ZNF804B: variants seen among roughly 807,000 people sequenced by gnomAD.
ZNF804B encodes zinc finger 804B.
In ZNF804B, 80 loss-of-function variants were observed where a neutral mutation model predicts 101.4. That is an observed-to-expected ratio of 0.79 (90% CI 0.66 to 0.95). The LOEUF (loss-of-function observed/expected upper bound fraction) is 0.95, where lower values mean the gene tolerates loss of function less well. Ranked by LOEUF, ZNF804B falls within the 40% of genes least tolerant of loss-of-function variation. The pLI, the probability that ZNF804B is intolerant of heterozygous loss-of-function variation, is 0.00. For missense variants in ZNF804B, 1,673 were observed against 1,561.9 expected, an observed-to-expected ratio of 1.07 and a Z score of -1.20; for synonymous variants, 622 against 558.8, an observed-to-expected ratio of 1.11 and a Z score of -1.59.
chr7:88,983,383 T>C (rs1040473429), intron 1 of ZNF804B, among the ~76,000 whole-genome samples: 2 of 151,842 alleles, frequency 1.3e-5, no homozygotes, highest in Non-Finnish European at 2.9e-5. Context: ...ATCTTCAGAG[T>C]TTTCAATTCA....
intron 1 of ZNF804B, among the ~76,000 whole-genome samples, chr7:89,213,857 TTAAG>T (rs750644263): frequency 2.6e-5 from 4 of 152,318 alleles, no homozygotes; most frequent in Middle Eastern, 3.4e-3. Flanking sequence ...ATTGTGAAGA[TTAAG>T]TGGGTGAACA....
intron 1 of ZNF804B, among the ~76,000 whole-genome samples, chr7:88,966,699 T>C (rs1054957571): frequency 1.3e-5 from 2 of 151,556 alleles, no homozygotes; most frequent in Non-Finnish European, 3.0e-5. Context: ...AAGTTGAGGG[T>C]AGTCTCCATG....
At chr7:89,125,241 G>T (rs370986937) in intron 1 of ZNF804B, among the ~76,000 whole-genome samples, 1 of 151,540 alleles carries the variant, frequency 6.6e-6, no homozygotes, top group Non-Finnish European at 1.5e-5. Context: ...AGGGTATATT[G>T]GTAGAATTAT....
intron 1 of ZNF804B, among the ~76,000 whole-genome samples, chr7:88,999,612 T>C (rs1391175894): frequency 2.0e-5 from 3 of 151,984 alleles, no homozygotes; most frequent in Non-Finnish European, 4.4e-5. Context: ...TGTAGTTAAA[T>C]TTTTTCTTAA....
At chr7:88,856,567 C>A (rs2115844973) in intron 1 of ZNF804B, among the ~76,000 whole-genome samples, 1 of 152,242 alleles carries the variant, frequency 6.6e-6, no homozygotes, top group East Asian at 1.9e-4. Flanking sequence ...GACAATTTGA[C>A]TTCCTCTTTT....
intron 1 of ZNF804B, among the ~76,000 whole-genome samples, chr7:88,805,460 TC>T (rs1790669614): frequency 6.6e-6 from 1 of 152,176 alleles, no homozygotes; most frequent in Non-Finnish European, 1.5e-5. Context: ...CTTCCCAGCA[TC>T]TATTAAATTT....
At chr7:88,987,848 A>G (rs1793786681) in intron 1 of ZNF804B, among the ~76,000 whole-genome samples, 1 of 152,104 alleles carries the variant, frequency 6.6e-6, no homozygotes, top group Non-Finnish European at 1.5e-5. Flanking sequence ...TGAATGCTGG[A>G]TCTTATTCGT....
At chr7:89,150,730 T>A (rs1480619489) in intron 1 of ZNF804B, among the ~76,000 whole-genome samples, 1 of 152,026 alleles carries the variant, frequency 6.6e-6, no homozygotes, top group Non-Finnish European at 1.5e-5. Context: ...GTGGACAAAA[T>A]GAGAAATGTT....
chr7:88,892,058 A>G (rs1162232133), intron 1 of ZNF804B, among the ~76,000 whole-genome samples: 1 of 152,140 alleles, frequency 6.6e-6, no homozygotes, highest in Non-Finnish European at 1.5e-5. Flanking sequence ...TTCTAAACCA[A>G]AGATCCTTAG....
At chr7:89,104,959 A>C (rs1378185781) in intron 1 of ZNF804B, among the ~76,000 whole-genome samples, 4 of 152,150 alleles carry the variant, frequency 2.6e-5, no homozygotes, top group Non-Finnish European at 5.9e-5. Context: ...AACTAAAGAC[A>C]CTGCTGCCAA....
At chr7:88,892,829 A>T (rs950623315) in intron 1 of ZNF804B, among the ~76,000 whole-genome samples, 13 of 152,180 alleles carry the variant, frequency 8.5e-5, no homozygotes, top group Non-Finnish European at 1.6e-4. Context: ...AGACAATTTC[A>T]GATTTGAAAT....
intron 1 of ZNF804B, among the ~76,000 whole-genome samples, chr7:89,207,463 A>C (rs1788731307): frequency 6.6e-6 from 1 of 152,034 alleles, no homozygotes; most frequent in African/African-American, 2.4e-5. Flanking sequence ...ACAGGAAAAA[A>C]CCCACCCCCA....
intron 2 of ZNF804B, among the ~76,000 whole-genome samples, chr7:89,323,985 C>G (rs934926161): frequency 6.6e-6 from 1 of 151,950 alleles, no homozygotes; most frequent in Non-Finnish European, 1.5e-5. Context: ...TGGGCTAAGC[C>G]AAAACATGAG....
intron 1 of ZNF804B, among the ~76,000 whole-genome samples, chr7:89,175,676 C>T (rs1322231229): frequency 1.3e-5 from 2 of 151,198 alleles, no homozygotes; most frequent in African/African-American, 2.4e-5. Flanking sequence ...CACATTTTAA[C>T]AATATTAACT....
chr7:89,102,112 A>G (rs1343656624), intron 1 of ZNF804B, among the ~76,000 whole-genome samples: 1 of 151,918 alleles, frequency 6.6e-6, no homozygotes, highest in Non-Finnish European at 1.5e-5. Flanking sequence ...TGACTTTGCT[A>G]TTGTAAATGG....
intron 1 of ZNF804B, among the ~76,000 whole-genome samples, chr7:88,964,180 A>T (rs909185990): frequency 6.6e-6 from 1 of 151,410 alleles, no homozygotes; most frequent in South Asian, 2.1e-4. Flanking sequence ...TTTACTAGAT[A>T]TACACCCAAA....
At chr7:89,167,424 A>G (rs1791160433) in intron 1 of ZNF804B, among the ~76,000 whole-genome samples, 2 of 128,780 alleles carry the variant, frequency 1.6e-5, no homozygotes, top group Non-Finnish European at 3.6e-5. Context: ...CTCCGGGCCG[A>G]AAACAGCAAG....
At chr7:89,291,940 T>C (rs1319940117) in intron 2 of ZNF804B, among the ~76,000 whole-genome samples, 14 of 152,072 alleles carry the variant, frequency 9.2e-5, no homozygotes, top group Non-Finnish European at 1.5e-5. Flanking sequence ...GCAGAAGACT[T>C]TTTAGGGAAA....
intron 1 of ZNF804B, among the ~76,000 whole-genome samples, chr7:88,917,382 G>A (rs941727974): frequency 3.3e-5 from 5 of 152,210 alleles, no homozygotes; most frequent in Admixed American, 2.0e-4. Context: ...TGTCAAGGCT[G>A]CAGTTGTACA....
Sources: gnomAD v4.1 joint callset for allele counts (sites outside exome capture counted in the v4.1 genomes callset) on GRCh38, gnomAD v4.1.1 for gene constraint, MANE v1.5 for transcripts, NCBI Gene and HGNC (gene_info 2026-07-23, HGNC 2026-07-21) for gene names.